Variants in RELN observed in about 807,000 individuals in gnomAD.
RELN encodes the protein reelin.
Under a neutral mutation model 427.6 loss-of-function variants are expected in RELN, and 108 were observed. The observed-to-expected ratio is 0.25, with a 90% CI of 0.22 to 0.30. RELN has a LOEUF of 0.30. Among genes scored for constraint, RELN ranks in the 10% least tolerant of loss-of-function variants. RELN has a pLI of 1.00. For synonymous variants in RELN, 1,524 were observed against 1,513.4 expected (o/e 1.01, Z -0.16); for missense variants, 3,715 against 4,302.8 (o/e 0.86, Z 3.82).
In RELN at chr7:103,635,445, A is replaced by G; in HGVS notation, c.2445T>C (p.Tyr815=). 1 of 1,614,026 alleles carries G rather than the reference A, an allele frequency of 6.2e-7. No homozygotes were observed. The part of the protein sequence containing the change: ...ITWKLLEHYS[Y]LSYHEPRIIS... The stretch of plus-strand genomic sequence containing the variant: ...CATACCTGGGCTCATGATAGCTGAG[A>G]TATGAATAATGCTCCAGGAGTTTCC... The change falls in exon 19 of 65, where the codon TAT becomes TAC. Residue 815 remains tyrosine, a synonymous_variant. Transcript: ENST00000428762.
At chr7:103,782,307 C>A (rs547103640) in intron 3 of RELN, among the ~76,000 whole-genome samples, 1 of 152,234 alleles carries the variant, frequency 6.6e-6, no homozygotes, top group South Asian at 2.1e-4. Flanking sequence ...GTGCATTCTG[C>A]TGCGGCACAG....
chr7:103,925,985 G>T (rs550791945), intron 1 of RELN, among the ~76,000 whole-genome samples: 1 of 150,754 alleles, frequency 6.6e-6, no homozygotes, highest in Non-Finnish European at 1.5e-5. Context: ...TTTTTTTTAC[G>T]TTGTTTTGAC....
intron 3 of RELN, among the ~76,000 whole-genome samples, chr7:103,797,823 G>A (rs1208044801): frequency 1.3e-5 from 2 of 152,174 alleles, no homozygotes; most frequent in Non-Finnish European, 2.9e-5. Context: ...GCCAAGAAAG[G>A]AGGTAACAAA....
At chr7:103,745,194 G>A (rs1790785955) in intron 6 of RELN, among the ~76,000 whole-genome samples, 1 of 151,988 alleles carries the variant, frequency 6.6e-6, no homozygotes, top group Non-Finnish European at 1.5e-5. Context: ...ATGCAGAAAA[G>A]GCCTTTGACA....
chr7:103,902,699 A>G (rs1795109410), intron 2 of RELN, among the ~76,000 whole-genome samples: 1 of 152,128 alleles, frequency 6.6e-6, no homozygotes, highest in South Asian at 2.1e-4. Flanking sequence ...AACAGCCTAC[A>G]TGTCTATTAT....
chr7:103,510,754 A>G (rs1829379945), intron 51 of RELN, 97 bp downstream of exon 51: 1 of 1,003,042 alleles, frequency 1.0e-6, no homozygotes, highest in South Asian at 1.4e-5. Context: ...CAAAGTATAT[A>G]CTAAGTCAAT....
chr7:103,726,698 C>T (rs2115926492), intron 7 of RELN, among the ~76,000 whole-genome samples: 1 of 152,146 alleles, frequency 6.6e-6, no homozygotes, highest in South Asian at 2.1e-4. Context: ...AGGAATATTA[C>T]TAAATGAGAC....
intron 2 of RELN, among the ~76,000 whole-genome samples, chr7:103,857,454 C>G (rs34147459): frequency 0.14 from 21,871 of 152,190 alleles, 1,877 homozygotes; most frequent in East Asian, 0.34. Context: ...ATCCAACATG[C>G]AGGGGTGTAA....
chr7:103,665,816 A>G (rs1329803289), intron 11 of RELN, among the ~76,000 whole-genome samples: 1 of 152,086 alleles, frequency 6.6e-6, no homozygotes, highest in Non-Finnish European at 1.5e-5. Flanking sequence ...TATTCATTCT[A>G]TATTCCTTCT....
At chr7:103,876,277 A>G (rs1794476061) in intron 2 of RELN, among the ~76,000 whole-genome samples, 1 of 152,176 alleles carries the variant, frequency 6.6e-6, no homozygotes, top group African/African-American at 2.4e-5. Flanking sequence ...TTCATCCTCT[A>G]AATACAGATG....
At chr7:103,879,377 A>G (rs1466561687) in intron 2 of RELN, among the ~76,000 whole-genome samples, 5 of 152,178 alleles carry the variant, frequency 3.3e-5, no homozygotes, top group Admixed American at 6.5e-5. Context: ...AGATAACTGG[A>G]GTTATCAAGG....
At chr7:103,745,955 C>T (rs148530599) in intron 6 of RELN, among the ~76,000 whole-genome samples, 33,132 of 151,930 alleles carry the variant, frequency 0.22, 4,771 homozygotes, top group African/African-American at 0.41. Flanking sequence ...GCTCACATTG[C>T]CAAGTCAATC....
At chr7:103,795,420 G>A (rs1189749234) in intron 3 of RELN, among the ~76,000 whole-genome samples, 1 of 152,204 alleles carries the variant, frequency 6.6e-6, no homozygotes, top group Non-Finnish European at 1.5e-5. Flanking sequence ...AGGAGATCCA[G>A]TGTGGATAAT....
chr7:103,586,169 C>T (rs954364514), intron 28 of RELN, among the ~76,000 whole-genome samples: 1 of 151,998 alleles, frequency 6.6e-6, no homozygotes, highest in African/African-American at 2.4e-5. Flanking sequence ...CAAGACCAAC[C>T]TGAACAACAT....
chr7:103,651,775 A>G lies in RELN; in HGVS notation c.1778T>C (p.Phe593Ser). The G allele has an allele frequency of 6.2e-7, 1 of 1,611,810 alleles. No individual in the cohort carries two copies. The highest frequency in any genetic ancestry group is 8.5e-7 in the Non-Finnish European group (1 of 1,178,652). Residue 593 changes from phenylalanine to serine, a missense_variant, in exon 15 of 65, where the codon TTT (phenylalanine) becomes TCT (serine). By Grantham distance (155) the Phe-to-Ser change is radical. Transcript: ENST00000428762. ...HQPGNSVSLEFSTNHGRSWSL... is the reference protein window; with the variant it reads ...HQPGNSVSLESSTNHGRSWSL... ...CCAGGAGCGCCCATGGTTGGTAGAA[A>G]ATTCCAAGCTGACACTAATAAAACC... is the stretch of plus-strand genomic sequence containing the variant.
intron 3 of RELN, among the ~76,000 whole-genome samples, chr7:103,799,977 G>A (rs569858441): frequency 2.2e-4 from 33 of 150,918 alleles, no homozygotes; most frequent in African/African-American, 8.2e-4. Context: ...AGGTACTGAC[G>A]GAACATATCT....
At chr7:103,963,898 C>T (rs750716368) in intron 1 of RELN, among the ~76,000 whole-genome samples, 16 of 152,160 alleles carry the variant, frequency 1.1e-4, no homozygotes, top group Non-Finnish European at 1.8e-4. Flanking sequence ...CATTGTGGCT[C>T]ATGTCTGTAA....
chr7:103,954,260 A>AAAAC lies in RELN; in HGVS notation c.226+34867_226+34870dup, dbSNP rs551109780. 2.2e-3 allele frequency among the ~76,000 whole-genome samples: 332 copies of AAAAC among 152,278 alleles called. 1 individual carries two copies. The highest frequency in any genetic ancestry group is 7.3e-3 in the African/African-American group (302 of 41,550). The stretch of plus-strand genomic sequence containing the variant: ...GGGCAACAGAGTGAGACTCTGTCTC[A>AAAAC]AAACAAACAAACAAACAAACTTACC... On this transcript the variant is annotated intron_variant, in intron 1 of 64. Coordinates refer to ENST00000428762, the MANE Select transcript of RELN (RefSeq NM_005045.4).
At chr7:103,897,086 T>C (rs1264395697) in intron 2 of RELN, among the ~76,000 whole-genome samples, 1 of 152,026 alleles carries the variant, frequency 6.6e-6, no homozygotes, top group Non-Finnish European at 1.5e-5. Context: ...ACCTATTCAC[T>C]ATCACAAGAA....
Sources: allele counts gnomAD v4.1 joint callset (sites outside exome capture counted in the v4.1 genomes callset), GRCh38; gene constraint gnomAD v4.1.1; transcripts MANE v1.5; gene names NCBI Gene and HGNC (gene_info 2026-07-23, HGNC 2026-07-21).